Variants in HDAC9 observed in about 807,000 individuals in gnomAD.
HDAC9 encodes MEF-2 interacting transcription repressor (MITR) protein.
In HDAC9, 41 loss-of-function variants were observed where a neutral mutation model predicts 139.4. The ratio of observed to expected loss-of-function variants is 0.29; its 90% CI spans 0.23 to 0.38. HDAC9 has a LOEUF of 0.38. Among genes scored for constraint, HDAC9 ranks in the 10% least tolerant of loss-of-function variants. The probability of loss-of-function intolerance (pLI) is 1.00; values close to 1 mark genes in which losing one functional copy is unlikely to be tolerated. For missense variants in HDAC9, 1,147 were observed against 1,297.0 expected (o/e 0.88, Z 1.78); for synonymous variants, 517 against 476.2 (o/e 1.09, Z -1.12).
At chr7:18,343,279 A>G (rs1782153637) in intron 1 of HDAC9, among the ~76,000 whole-genome samples, 1 of 151,780 alleles carries the variant, frequency 6.6e-6, no homozygotes, top group Admixed American at 6.6e-5. Flanking sequence ...CTAAGGTGAA[A>G]TGTAGAAGCT....
chr7:18,892,420 C>T (rs918628061), intron 22 of HDAC9: 1 of 152,054 alleles, frequency 6.6e-6, no homozygotes, highest in East Asian at 1.9e-4. Flanking sequence ...AAGAAAGGGT[C>T]AAATTTATGA....
intron 6 of HDAC9, among the ~76,000 whole-genome samples, chr7:18,608,028 A>T (rs543812039): frequency 2.0e-5 from 3 of 152,192 alleles, no homozygotes; most frequent in Admixed American, 6.5e-5. Flanking sequence ...GCATTTAGCC[A>T]TCTGTTGTAT....
At chr7:18,458,235 G>A (rs1276695734) in intron 1 of HDAC9, among the ~76,000 whole-genome samples, 1 of 152,110 alleles carries the variant, frequency 6.6e-6, no homozygotes, top group Non-Finnish European at 1.5e-5. Context: ...TGAAAATGAT[G>A]AAAAGAATGT....
intron 1 of HDAC9, among the ~76,000 whole-genome samples, chr7:18,432,593 G>A (rs1790779939): frequency 6.6e-6 from 1 of 152,192 alleles, no homozygotes; most frequent in African/African-American, 2.4e-5. Flanking sequence ...ATTGGGAATA[G>A]TGCTACTGTC....
At chr7:18,409,331 C>T (rs1315651340) in intron 1 of HDAC9, among the ~76,000 whole-genome samples, 5 of 151,984 alleles carry the variant, frequency 3.3e-5, no homozygotes, top group Non-Finnish European at 1.5e-5. Flanking sequence ...ATTTCATGTG[C>T]CTGTTGTGAA....
chr7:18,956,938 G>T (rs1042877171), intron 24 of HDAC9, among the ~76,000 whole-genome samples: 2 of 152,134 alleles, frequency 1.3e-5, no homozygotes, highest in Non-Finnish European at 2.9e-5. Context: ...AATTCTTACT[G>T]CGTTTTAAAG....
chr7:18,644,880 C>G (rs969066984), intron 9 of HDAC9, 87 bp downstream of exon 9: 1 of 1,376,876 alleles, frequency 7.3e-7, no homozygotes, highest in Non-Finnish European at 9.7e-7. Context: ...TGTATTTAGA[C>G]TTTAGAAAAA....
At chr7:18,750,851 C>T (rs1012356749) in intron 14 of HDAC9, among the ~76,000 whole-genome samples, 1 of 152,142 alleles carries the variant, frequency 6.6e-6, no homozygotes, top group Non-Finnish European at 1.5e-5. Flanking sequence ...TTTTTGTGTG[C>T]TTTTGCCAGC....
chr7:18,228,596 G>T (rs1793230464), intron 2 of HDAC9, among the ~76,000 whole-genome samples: 1 of 152,156 alleles, frequency 6.6e-6, no homozygotes, highest in Non-Finnish European at 1.5e-5. Context: ...TCTAGTGTCT[G>T]AAAGGAACTG....
At chr7:18,178,168 C>G (rs1309174693) in intron 2 of HDAC9, among the ~76,000 whole-genome samples, 1 of 151,874 alleles carries the variant, frequency 6.6e-6, no homozygotes, top group Non-Finnish European at 1.5e-5. Context: ...ACTGGAACCT[C>G]CACCTCCCTA....
At chr7:18,696,319 A>C (rs891996712) in intron 12 of HDAC9, among the ~76,000 whole-genome samples, 2 of 149,040 alleles carry the variant, frequency 1.3e-5, no homozygotes, top group African/African-American at 2.4e-5. Flanking sequence ...TTACATAACT[A>C]TATTATAATT....
rs767575474 is a variant in HDAC9 at position 18,284,122 on chromosome 7, C to CT, written c.25+121779dup. Among the ~76,000 whole-genome samples the CT allele has an allele frequency of 5.6e-4, 85 of 152,070 alleles. 1 individual carries two copies. Among genetic ancestry groups the CT allele is most frequent in the Middle Eastern group, 6.8e-3 (2 of 294 alleles). ...GAGGCCACCAAATTGTTCCCATTGG[C>CT]TTTTTTGTGTAGTGTAGGATAATGA... On this transcript the variant is annotated intron_variant, in intron 2 of 12. Coordinates refer to the HDAC9 transcript ENST00000417496.
chr7:18,705,864 T>A (rs2519725), intron 12 of HDAC9, among the ~76,000 whole-genome samples: 21,214 of 88,784 alleles, frequency 0.24, 3,271 homozygotes, highest in African/African-American at 0.45. Flanking sequence ...AAAAAAAAAA[T>A]AAAATAAAAT....
rs192665934 is a variant in HDAC9 at position 18,141,511 on chromosome 7, A to G, written c.-96-20718A>G. The stretch of plus-strand genomic sequence containing the variant: ...AGAGCAATATTAAATCTAGGTGAGG[A>G]CTAACATCTCTGAATAGAGCAAAAT... On this transcript the variant is annotated intron_variant, in intron 1 of 12. Transcript: ENST00000417496. Among the ~76,000 whole-genome samples the G allele has an allele frequency of 4.2e-3, 641 of 152,260 alleles. 5 individuals carry two copies. Among genetic ancestry groups the G allele is most frequent in the Non-Finnish European group, 6.8e-3 (465 of 68,016 alleles).
chr7:18,139,526 G>C (rs1178362), intron 1 of HDAC9, among the ~76,000 whole-genome samples: 67,949 of 151,820 alleles, frequency 0.45, 18,041 homozygotes, highest in African/African-American at 0.74. Context: ...CCTTTTTTCC[G>C]TGTCAGGGAA....
intron 2 of HDAC9, among the ~76,000 whole-genome samples, chr7:18,189,798 C>A (rs964693364): frequency 1.3e-5 from 2 of 152,180 alleles, no homozygotes; most frequent in African/African-American, 4.8e-5. Flanking sequence ...CCCAAAGACA[C>A]ATTAATTAAA....
chr7:18,456,093 C>T (rs1035994838), intron 1 of HDAC9, among the ~76,000 whole-genome samples: 3 of 152,152 alleles, frequency 2.0e-5, no homozygotes, highest in Admixed American at 2.0e-4. Flanking sequence ...GGGTCCCCAG[C>T]ACATTTTATT....
intron 2 of HDAC9, among the ~76,000 whole-genome samples, chr7:18,526,857 A>G (rs1366584469): frequency 1.3e-5 from 2 of 152,186 alleles, no homozygotes; most frequent in African/African-American, 4.8e-5. Flanking sequence ...ATTCAAAGAC[A>G]AGGGGGTCTT....
intron 2 of HDAC9, among the ~76,000 whole-genome samples, chr7:18,186,540 C>T (rs952752612): frequency 3.9e-5 from 6 of 152,140 alleles, no homozygotes; most frequent in Non-Finnish European, 5.9e-5. Flanking sequence ...GGGAAAACTT[C>T]GGGTAGGGAG....
Sources: gnomAD v4.1 joint callset for allele counts (sites outside exome capture counted in the v4.1 genomes callset) on GRCh38, gnomAD v4.1.1 for gene constraint, MANE v1.5 for transcripts, NCBI Gene and HGNC (gene_info 2026-07-23, HGNC 2026-07-21) for gene names.